TECPR2: variants seen among roughly 807,000 people sequenced by gnomAD.
TECPR2 encodes the protein tectonin beta-propeller repeat-containing protein 2.
Under a neutral mutation model 138.1 loss-of-function variants are expected in TECPR2, and 65 were observed. The ratio of observed to expected loss-of-function variants is 0.47; its 90% CI spans 0.39 to 0.58. The LOEUF (loss-of-function observed/expected upper bound fraction) is 0.58. Ranked by LOEUF, TECPR2 falls within the 20% of genes least tolerant of loss-of-function variation. The pLI is 0.00. For synonymous variants in TECPR2, 746 were observed against 749.8 expected, an observed-to-expected ratio of 0.99 and a Z score of 0.08; for missense variants, 1,553 against 1,824.5, an observed-to-expected ratio of 0.85 and a Z score of 2.71.
At chr14:102,468,947 T>C (rs977156913) in intron 17 of TECPR2, among the ~76,000 whole-genome samples, 24 of 152,368 alleles carry the variant, frequency 1.6e-4, no homozygotes, top group African/African-American at 5.8e-4. Flanking sequence ...GGACTCTTAG[T>C]TATATCCCAG....
Position 102,499,360 on chromosome 14 carries a change from C to A in TECPR2, c.*1103C>A. On this transcript the variant is annotated 3_prime_UTR_variant, in exon 20 of 20. Coordinates refer to ENST00000359520, the MANE Select transcript of TECPR2 (RefSeq NM_014844.5). Reference sequence around the variant, plus strand: ...CAAATCTGCATAAAATACCTCATTTCAAATCAAATCTTACAAATTTAGAAG... The same window carrying A: ...CAAATCTGCATAAAATACCTCATTTAAAATCAAATCTTACAAATTTAGAAG... The A allele has an allele frequency of 1.7e-6, 1 of 601,172 alleles. No individual in the cohort carries two copies. The highest frequency in any genetic ancestry group is 2.0e-5 in the South Asian group (1 of 50,476). The allele number at this position is 601,172 out of a possible 1,614,324, so 37.2% of individuals were successfully genotyped here.
At chr14:102,439,005 G>C (rs1889757973) in intron 10 of TECPR2, among the ~76,000 whole-genome samples, 1 of 151,858 alleles carries the variant, frequency 6.6e-6, no homozygotes, top group African/African-American at 2.4e-5. Flanking sequence ...GGGACTACAG[G>C]CACCCGCCAC....
intron 2 of TECPR2, among the ~76,000 whole-genome samples, chr14:102,392,481 T>C (rs1208197918): frequency 6.6e-6 from 1 of 152,252 alleles, no homozygotes; most frequent in African/African-American, 2.4e-5. Context: ...AGTGACATTT[T>C]AAATTCTCTT....
chr14:102,365,184 T>C (rs907943070), intron 1 of TECPR2, among the ~76,000 whole-genome samples: 5 of 152,256 alleles, frequency 3.3e-5, no homozygotes, highest in African/African-American at 1.2e-4. Context: ...ATACTCTTTA[T>C]TGGTCTTTTA....
chr14:102,410,738 G>C (rs964173890), intron 4 of TECPR2, among the ~76,000 whole-genome samples: 2 of 151,598 alleles, frequency 1.3e-5, no homozygotes, highest in African/African-American at 2.4e-5. Context: ...ACTATCTTCT[G>C]TCTAGTCATA....
rs139886409 is a variant in TECPR2, at chr14:102,400,322, G to A, written c.220-7016G>A. Among the ~76,000 whole-genome samples, 349 of 152,236 alleles carry A rather than the reference G, an allele frequency of 2.3e-3. 12 individuals carry two copies. The East Asian group carries it at 0.047, about 21-fold the overall frequency. ...GGCCTCCCAAAGTGCTGGGATTATA[G>A]GCGTGAGCCACCGTGCCCAGCCCAC... On this transcript the variant is annotated intron_variant, in intron 2 of 19. Transcript: ENST00000359520.
chr14:102,498,032 C>CCCAGCTCCATCTGTGCCCAAGCTA, intron 19 of TECPR2, 71 bp from the exon 20 acceptor site: 1 of 1,567,404 alleles, frequency 6.4e-7, no homozygotes, highest in South Asian at 1.2e-5. Flanking sequence ...CGCCCAAGCT[C>CCCAGCTCCATCTGTGCCCAAGCTA]CCAGCTCCAT....
chr14:102,388,633 C>T (rs1356888554), intron 2 of TECPR2, among the ~76,000 whole-genome samples: 2 of 151,644 alleles, frequency 1.3e-5, no homozygotes, highest in African/African-American at 4.8e-5. Context: ...TCGAGACCAT[C>T]CTGGCTAACA....
chr14:102,487,068 A>G (rs934091303), intron 17 of TECPR2, among the ~76,000 whole-genome samples: 3 of 152,226 alleles, frequency 2.0e-5, no homozygotes, highest in Non-Finnish European at 4.4e-5. Flanking sequence ...CTTGAGGGAA[A>G]GTAAAGCTCA....
At chr14:102,378,493 A>G (rs996223130) in intron 2 of TECPR2, among the ~76,000 whole-genome samples, 2 of 152,286 alleles carry the variant, frequency 1.3e-5, no homozygotes, top group East Asian at 1.9e-4. Context: ...GGCAGATGTT[A>G]TTATGATCTT....
chr14:102,402,308 TAAAG>T (rs1292880180), intron 2 of TECPR2, among the ~76,000 whole-genome samples: 5 of 152,056 alleles, frequency 3.3e-5, no homozygotes, highest in Non-Finnish European at 5.9e-5. Flanking sequence ...AAAGGGTAAA[TAAAG>T]AAATTACAAG....
intron 13 of TECPR2, among the ~76,000 whole-genome samples, chr14:102,447,685 C>G (rs934552609): frequency 2.0e-5 from 3 of 152,152 alleles, no homozygotes; most frequent in Non-Finnish European, 2.9e-5. Flanking sequence ...CAGGCACGCA[C>G]CACCAGGCCC....
intron 16 of TECPR2, among the ~76,000 whole-genome samples, chr14:102,460,964 G>A (rs1485402570): frequency 6.6e-6 from 1 of 151,846 alleles, no homozygotes; most frequent in East Asian, 1.9e-4. Context: ...CAAAGTGCTG[G>A]GATTACAGGT....
chr14:102,473,415 G>T (rs1319185409), intron 17 of TECPR2, among the ~76,000 whole-genome samples: 1 of 152,186 alleles, frequency 6.6e-6, no homozygotes, highest in Admixed American at 6.5e-5. Context: ...AACAAGCGGG[G>T]TTTATGTATT....
At chr14:102,462,265 A>G (rs1469719459) in intron 16 of TECPR2, among the ~76,000 whole-genome samples, 1 of 152,200 alleles carries the variant, frequency 6.6e-6, no homozygotes, top group African/African-American at 2.4e-5. Flanking sequence ...TTTGTTTCTC[A>G]GCTATTTCTA....
chr14:102,499,577 T>C lies in TECPR2; in HGVS notation c.*1320T>C, dbSNP rs1891389697. 1.1e-4 allele frequency: 35 copies of C among 307,034 alleles called. 1 individual carries two copies. In the South Asian group the frequency reaches 1.2e-3, roughly 11 times the overall value. 19.0% of individuals were successfully genotyped at this position (307,034 alleles called of 1,614,324 possible). A position where few individuals can be genotyped will look rare whatever the true frequency, so the allele number is the denominator to read the frequency against. ...CCTTCTGCGGGGTATGGGTTGACAC[T>C]TGACAGGTTGAAACCAGTGCCTCTA... On this transcript the variant is annotated 3_prime_UTR_variant, in exon 20 of 20. Transcript: ENST00000359520.
At chr14:102,390,140 C>T (rs1888127124) in intron 2 of TECPR2, among the ~76,000 whole-genome samples, 2 of 152,170 alleles carry the variant, frequency 1.3e-5, no homozygotes, top group South Asian at 2.1e-4. Flanking sequence ...GACTTCAGTT[C>T]CCATGAACCT....
intron 9 of TECPR2, among the ~76,000 whole-genome samples, chr14:102,435,922 T>C (rs1419324995): frequency 6.6e-6 from 1 of 152,258 alleles, no homozygotes; most frequent in Admixed American, 6.5e-5. Context: ...CCCTGTCTCC[T>C]ACTAACTGTC....
At chr14:102,454,170 AAAG>A (rs1424139746) in intron 16 of TECPR2, among the ~76,000 whole-genome samples, 1 of 151,878 alleles carries the variant, frequency 6.6e-6, no homozygotes, top group Non-Finnish European at 1.5e-5. Flanking sequence ...AAAAAAAAAA[AAAG>A]AAAGCAGGAA....
Sources: gnomAD v4.1 joint callset for allele counts (sites outside exome capture counted in the v4.1 genomes callset) on GRCh38, gnomAD v4.1.1 for gene constraint, MANE v1.5 for transcripts, NCBI Gene and HGNC (gene_info 2026-07-23, HGNC 2026-07-21) for gene names.